Variants in IFT81 observed in about 807,000 individuals in gnomAD.
The protein encoded by IFT81 is intraflagellar transport 81, also known as intraflagellar transport protein 81 homolog.
A neutral mutation model predicts 102.6 loss-of-function variants in IFT81; 72 were observed. The observed-to-expected ratio is 0.70, with a 90% CI of 0.58 to 0.85. The LOEUF is 0.85. Ranked by LOEUF, IFT81 falls within the 40% of genes least tolerant of loss-of-function variation. The pLI is 0.00. For missense variants in IFT81, 723 were observed against 787.3 expected (o/e 0.92, Z 0.98); for synonymous variants, 237 against 242.7 (o/e 0.98, Z 0.22).
chr12:110,151,634 C>T (rs1054816610), intron 10 of IFT81, among the ~76,000 whole-genome samples: 3 of 152,148 alleles, frequency 2.0e-5, no homozygotes, highest in Admixed American at 6.5e-5. Context: ...AACTAATAAA[C>T]ATATGCATTA....
intron 18 of IFT81, among the ~76,000 whole-genome samples, chr12:110,213,798 A>G (rs554316134): frequency 1.3e-5 from 2 of 152,316 alleles, no homozygotes; most frequent in South Asian, 2.1e-4. Context: ...GTTTCAATCT[A>G]TTGTGATTAT....
intron 10 of IFT81, among the ~76,000 whole-genome samples, chr12:110,161,175 C>G (rs1183189111): frequency 2.8e-5 from 4 of 141,306 alleles, no homozygotes; most frequent in Admixed American, 1.5e-4. Context: ...GAGTCTCACT[C>G]TGTCACCCAG....
At chr12:110,188,121 A>G (rs981506830) in intron 12 of IFT81, among the ~76,000 whole-genome samples, 2 of 152,068 alleles carry the variant, frequency 1.3e-5, no homozygotes, top group Non-Finnish European at 2.9e-5. Context: ...TCACGAGGTC[A>G]GGAGATCAAG....
At chr12:110,208,377 C>T (rs1012018583) in intron 17 of IFT81, among the ~76,000 whole-genome samples, 10 of 152,040 alleles carry the variant, frequency 6.6e-5, no homozygotes, top group African/African-American at 2.4e-4. Flanking sequence ...TATGGCGACA[C>T]ATGTCTGTAA....
At chr12:110,196,759 T>G (rs938385419) in intron 14 of IFT81, among the ~76,000 whole-genome samples, 3 of 152,210 alleles carry the variant, frequency 2.0e-5, no homozygotes, top group Admixed American at 1.3e-4. Context: ...TATTCCTTAT[T>G]ATGGTACGTA....
At chr12:110,195,887 T>C (rs1468782753) in intron 14 of IFT81, among the ~76,000 whole-genome samples, 2 of 152,194 alleles carry the variant, frequency 1.3e-5, no homozygotes, top group Non-Finnish European at 2.9e-5. Flanking sequence ...TTTTTAAGTG[T>C]AGCTCGACAA....
chr12:110,189,396 C>T (rs1332075212), intron 12 of IFT81, among the ~76,000 whole-genome samples: 2 of 151,846 alleles, frequency 1.3e-5, no homozygotes, highest in African/African-American at 2.4e-5. Flanking sequence ...TTGCCCAGAC[C>T]GGAGTGCAGT....
At chr12:110,152,509 ATTGAG>A (rs1397065909) in intron 10 of IFT81, among the ~76,000 whole-genome samples, 4 of 151,686 alleles carry the variant, frequency 2.6e-5, no homozygotes, top group Non-Finnish European at 2.9e-5. Context: ...TTTTTTTGAT[ATTGAG>A]TTGAGTTCCT....
rs576890973 is a variant in IFT81, at chr12:110,130,731, C to T, written c.429+1601C>T. ...AAGAATTAATGGTAATAAAGACATA[C>T]TTGTTCTTGAAGCATATCTGACAGG... On this transcript the variant is annotated intron_variant, in intron 4 of 18. Coordinates refer to ENST00000242591, the MANE Select transcript of IFT81 (RefSeq NM_014055.4). Among the ~76,000 whole-genome samples, 12 of 151,952 alleles carry T rather than the reference C, an allele frequency of 7.9e-5. No individual in the cohort carries two copies. In the South Asian group the frequency reaches 1.9e-3, roughly 24 times the overall value.
intron 9 of IFT81, among the ~76,000 whole-genome samples, chr12:110,146,433 T>G (rs1424512997): frequency 6.6e-6 from 1 of 152,230 alleles, no homozygotes; most frequent in Non-Finnish European, 1.5e-5. Flanking sequence ...TTTCAGTGAC[T>G]TGAAGTCACA....
intron 17 of IFT81, among the ~76,000 whole-genome samples, chr12:110,206,864 A>T (rs1439714637): frequency 6.6e-6 from 1 of 152,186 alleles, no homozygotes; most frequent in South Asian, 2.1e-4. Flanking sequence ...AACTTTGTTC[A>T]TATAAATCTA....
At chr12:110,150,113 C>T (rs1895442424) in intron 10 of IFT81, among the ~76,000 whole-genome samples, 2 of 146,222 alleles carry the variant, frequency 1.4e-5, no homozygotes, top group African/African-American at 5.0e-5. Context: ...CTTTTCTTTT[C>T]TTTTTTTTTT....
At chr12:110,155,827 C>A (rs1895808635) in intron 10 of IFT81, among the ~76,000 whole-genome samples, 1 of 151,808 alleles carries the variant, frequency 6.6e-6, no homozygotes, top group South Asian at 2.1e-4. Context: ...TTTCTCATTT[C>A]CTTTGTGTAT....
chr12:110,142,387 C>A (rs191103212), intron 8 of IFT81, among the ~76,000 whole-genome samples: 1 of 151,664 alleles, frequency 6.6e-6, no homozygotes, highest in Non-Finnish European at 1.5e-5. Flanking sequence ...AGGCTGCTCT[C>A]GAACTCTAGA....
At chr12:110,139,952 G>C (rs1218140537) in intron 8 of IFT81, among the ~76,000 whole-genome samples, 3 of 151,296 alleles carry the variant, frequency 2.0e-5, no homozygotes, top group African/African-American at 7.3e-5. Flanking sequence ...GATAGTCCTA[G>C]CTGTCCAGGA....
At chr12:110,192,556 T>C in intron 13 of IFT81, 61 bp from the exon 14 acceptor site, 1 of 828,626 alleles carries the variant, frequency 1.2e-6, no homozygotes, top group Non-Finnish European at 2.0e-6. Flanking sequence ...TCTTTATGCA[T>C]GTAGTATTTT....
chr12:110,190,242 C>A (rs1485276518), intron 12 of IFT81, among the ~76,000 whole-genome samples: 2 of 152,110 alleles, frequency 1.3e-5, no homozygotes, highest in Non-Finnish European at 2.9e-5. Context: ...ACCAGCTGAA[C>A]CCCATGTAAC....
At chr12:110,202,453 C>T (rs56341753) in intron 14 of IFT81, among the ~76,000 whole-genome samples, 23,897 of 151,468 alleles carry the variant, frequency 0.16, 3,038 homozygotes, top group African/African-American at 0.35. Flanking sequence ...AATTGTGATT[C>T]CACCTTTTTT....
chr12:110,171,648 T>C (rs1896735383), intron 11 of IFT81, among the ~76,000 whole-genome samples: 1 of 152,370 alleles, frequency 6.6e-6, no homozygotes, highest in Admixed American at 6.5e-5. Context: ...CTAGTTATGA[T>C]GCGTGATTTT....
Sources: gnomAD v4.1 joint callset for allele counts (sites outside exome capture counted in the v4.1 genomes callset) on GRCh38, gnomAD v4.1.1 for gene constraint, MANE v1.5 for transcripts, NCBI Gene and HGNC (gene_info 2026-07-23, HGNC 2026-07-21) for gene names.